The following TMEM114 variants were observed in gnomAD, a reference collection of about 807,000 sequenced individuals.
TMEM114 encodes claudin-26.
Under a neutral mutation model 6.2 loss-of-function variants are expected in TMEM114, and 6 were observed. The ratio of observed to expected loss-of-function variants is 0.97; its 90% CI spans 0.53 to 1.91. The LOEUF (loss-of-function observed/expected upper bound fraction) is 1.91, where lower values mean the gene tolerates loss of function less well. TMEM114 is among the 40% of genes most tolerant of loss of function. The probability of loss-of-function intolerance (pLI) is 0.01; values close to 1 mark genes in which losing one functional copy is unlikely to be tolerated. For missense variants in TMEM114, 218 were observed against 158.3 expected (o/e 1.38, Z -2.02); for synonymous variants, 104 against 73.0 (o/e 1.42, Z -2.16).
At chr16:8,537,694 C>A (rs1438008901) in exon 3 of TMEM114, 2 of 152,092 alleles carry the variant, frequency 1.3e-5, no homozygotes, top group Non-Finnish European at 2.9e-5. Flanking sequence ...AAGCTACAAT[C>A]TGGTTTTATC....
chr16:8,567,805 A>G (rs906754977), downstream of TMEM114, among the ~76,000 whole-genome samples: 2 of 152,194 alleles, frequency 1.3e-5, no homozygotes, highest in Non-Finnish European at 2.9e-5. Context: ...GCAGTTCCAC[A>G]ATACGACCAG....
rs1318074671 is a variant in TMEM114 at position 8,569,551 on chromosome 16, G to C, written c.*222C>G. 2.8e-6 allele frequency: 4 copies of C among 1,407,114 alleles called. No individual in the cohort carries two copies. Among genetic ancestry groups the C allele is most frequent in the Non-Finnish European group, 3.7e-6 (4 of 1,083,394 alleles). The allele number at this position is 1,407,114 out of a possible 1,614,324, so 87.2% of individuals were successfully genotyped here. On this transcript the variant is annotated 3_prime_UTR_variant, in exon 4 of 4. Transcript: ENST00000620492. ...TCGCGAAGCGGTTTGGCACTCCCTC[G>C]GGCTCCTCCAGGCCACACGGACACA...
At chr16:8,582,687 C>T (rs1315076058) in intron 2 of TMEM114, among the ~76,000 whole-genome samples, 2 of 151,892 alleles carry the variant, frequency 1.3e-5, no homozygotes, top group South Asian at 2.1e-4. Context: ...GTCAAGAGTT[C>T]GAGACCAGCC....
chr16:8,580,501 AAAAAAAAAAG>A (rs1902102784), intron 2 of TMEM114, among the ~76,000 whole-genome samples: 2 of 151,736 alleles, frequency 1.3e-5, no homozygotes, highest in South Asian at 2.1e-4. Context: ...GAGGTAAAAA[AAAAAAAAAAG>A]AAAAAAAAAG....
downstream of TMEM114, among the ~76,000 whole-genome samples, chr16:8,565,049 G>GTGAGTGAGTGAATGAGTGAGTGAGGGAA (rs1901491276): frequency 1.7e-4 from 16 of 93,056 alleles, no homozygotes; most frequent in African/African-American, 3.3e-4. Context: ...GAGTGAATGA[G>GTGAGTGAGTGAATGAGTGAGTGAGGGAA]TGAGTGAGTG....
chr16:8,537,319 C>A (rs552691383), downstream of TMEM114, among the ~76,000 whole-genome samples: 87 of 152,084 alleles, frequency 5.7e-4, no homozygotes, highest in Admixed American at 1.3e-3. Flanking sequence ...TGGCCAACAT[C>A]ATGAAACCCC....
the TMEM114 span, among the ~76,000 whole-genome samples, chr16:8,528,606 CTG>C: frequency 6.6e-6 from 1 of 152,196 alleles, no homozygotes; most frequent in African/African-American, 2.4e-5. Context: ...TCTCTTCACT[CTG>C]TTAACATAAT....
intron 2 of TMEM114, among the ~76,000 whole-genome samples, chr16:8,559,445 T>A (rs1596476063): frequency 6.6e-6 from 1 of 152,068 alleles, no homozygotes; most frequent in South Asian, 2.1e-4. Flanking sequence ...GCATTACAGG[T>A]GAATCCTCGG....
intron 2 of TMEM114, among the ~76,000 whole-genome samples, chr16:8,552,508 G>GCACA (rs1555462391): frequency 2.0e-5 from 3 of 146,628 alleles, no homozygotes; most frequent in Admixed American, 6.8e-5. Context: ...GCACAAAACT[G>GCACA]CACACACACA....
At chr16:8,536,035 G>C (rs1273273225), downstream of TMEM114, among the ~76,000 whole-genome samples, 1 of 152,252 alleles carries the variant, frequency 6.6e-6, no homozygotes, top group African/African-American at 2.4e-5. Context: ...AGACCAGCCT[G>C]TCCAACGTTG....
intron 2 of TMEM114, among the ~76,000 whole-genome samples, chr16:8,558,959 G>A (rs1215411217): frequency 6.6e-6 from 1 of 151,542 alleles, no homozygotes; most frequent in Non-Finnish European, 1.5e-5. Flanking sequence ...TAGCCAGGAT[G>A]GTCTCGATCT....
At chr16:8,552,966 T>G (rs965940124) in intron 2 of TMEM114, among the ~76,000 whole-genome samples, 1 of 152,240 alleles carries the variant, frequency 6.6e-6, no homozygotes, top group Non-Finnish European at 1.5e-5. Context: ...TTTCCCCGAG[T>G]GATCTCCATC....
At chr16:8,556,533 C>G (rs1596474420) in intron 2 of TMEM114, among the ~76,000 whole-genome samples, 1 of 152,128 alleles carries the variant, frequency 6.6e-6, no homozygotes, top group South Asian at 2.1e-4. Context: ...TGGAGTTTGG[C>G]TCTTGTTGCC....
chr16:8,546,682 G>T (rs1468168825), intron 2 of TMEM114, among the ~76,000 whole-genome samples: 1 of 152,182 alleles, frequency 6.6e-6, no homozygotes. Context: ...ACCCAAGAAA[G>T]CTAACCAGAT....
chr16:8,571,814 G>A (rs1213871123), intron 3 of TMEM114, among the ~76,000 whole-genome samples: 2 of 152,192 alleles, frequency 1.3e-5, no homozygotes, highest in Admixed American at 6.5e-5. Flanking sequence ...AAGCTATCAC[G>A]AGTTTGGGCA....
In TMEM114 at chr16:8,589,848, C is replaced by T. The variant is rs1195451502; in HGVS notation, c.-10G>A. On this transcript the variant is annotated 5_prime_UTR_variant, in exon 1 of 4. Transcript: ENST00000620492. ...CCAGGTGCACCCGCATCGCCGAGCCCAGGACCAGCAGCCGCGGGTTCCAGT... is the reference window on the plus strand; with the variant it reads ...CCAGGTGCACCCGCATCGCCGAGCCTAGGACCAGCAGCCGCGGGTTCCAGT... 5.0e-6 allele frequency: 2 copies of T among 397,514 alleles called. No individual in the cohort carries two copies. Among genetic ancestry groups the T allele is most frequent in the Non-Finnish European group, 4.4e-6 (1 of 225,420 alleles). 24.6% of individuals were successfully genotyped at this position (397,514 alleles called of 1,614,324 possible).
downstream of TMEM114, among the ~76,000 whole-genome samples, chr16:8,534,590 A>C (rs1900302576): frequency 6.6e-6 from 1 of 152,194 alleles, no homozygotes; most frequent in South Asian, 2.1e-4. Context: ...GGGGTGGTAC[A>C]TCAGATGGGA....
intron 2 of TMEM114, among the ~76,000 whole-genome samples, chr16:8,560,516 A>C (rs1901165152): frequency 6.6e-6 from 1 of 152,178 alleles, no homozygotes. Flanking sequence ...CAGAGGACGC[A>C]CTTCCTGCTG....
chr16:8,545,167 A>G (rs2141652915), intron 2 of TMEM114, among the ~76,000 whole-genome samples: 1 of 152,236 alleles, frequency 6.6e-6, no homozygotes, highest in Non-Finnish European at 1.5e-5. Context: ...GCCAGGCTCA[A>G]TGGCTCACAC....
Sources: gnomAD v4.1 joint callset for allele counts (sites outside exome capture counted in the v4.1 genomes callset) on GRCh38, gnomAD v4.1.1 for gene constraint, MANE v1.5 for transcripts, NCBI Gene and HGNC (gene_info 2026-07-23, HGNC 2026-07-21) for gene names.